Variants in TMEM43 observed in about 807,000 individuals in gnomAD.
TMEM43 encodes arrhythmogenic right ventricular dysplasia 5.
A neutral mutation model predicts 49.6 loss-of-function variants in TMEM43; 45 were observed. The ratio of observed to expected loss-of-function variants is 0.91; its 90% CI spans 0.71 to 1.16. The LOEUF (loss-of-function observed/expected upper bound fraction) is 1.16, where lower values mean the gene tolerates loss of function less well. Ranked by LOEUF, TMEM43 falls within the 50% of genes most tolerant of loss-of-function variation. The pLI is 0.00. For synonymous variants in TMEM43, 199 were observed against 207.8 expected (o/e 0.96, Z 0.36); for missense variants, 532 against 516.6 (o/e 1.03, Z -0.29).
chr3:14,131,036 T>C, intron 3 of TMEM43, 80 bp downstream of exon 3: 3 of 1,545,214 alleles, frequency 1.9e-6, no homozygotes, highest in Non-Finnish European at 1.8e-6. Context: ...TTTGAAAGCA[T>C]GGGCCTTGGA....
At chr3:14,135,353 C>T (rs867715160) in intron 9 of TMEM43, 121 bp downstream of exon 9, 19 of 819,250 alleles carry the variant, frequency 2.3e-5, no homozygotes, top group Admixed American at 1.4e-4. Context: ...GGCACACTCT[C>T]GCACACACTC....
intron 1 of TMEM43, among the ~76,000 whole-genome samples, chr3:14,128,701 T>C (rs1695049866): frequency 6.6e-6 from 1 of 152,260 alleles, no homozygotes; most frequent in Admixed American, 6.5e-5. Context: ...ATAACCTCTT[T>C]GTAAAATAGC....
chr3:14,137,034 G>A lies in TMEM43; in HGVS notation c.882+1126G>A, dbSNP rs561460887. ...ACTGCTGGGGTTTTCATTCCAGAGT[G>A]GCCAGAAAGGGTCAAGGCAGCAGAC... On this transcript the variant is annotated intron_variant, in intron 10 of 11. Transcript: ENST00000306077. 2.0e-5 allele frequency: 3 copies of A among 149,798 alleles called. No individual in the cohort carries two copies. In the South Asian group the frequency reaches 6.3e-4, roughly 31 times the overall value. 9.3% of individuals were successfully genotyped at this position (149,798 alleles called of 1,614,324 possible).
chr3:14,130,492 ATAAAAT>A (rs1214952531), intron 2 of TMEM43, among the ~76,000 whole-genome samples: 1 of 152,142 alleles, frequency 6.6e-6, no homozygotes, highest in Non-Finnish European at 1.5e-5. Context: ...AAACATAAAA[ATAAAAT>A]TAAAAAAAAG....
In TMEM43 at chr3:14,143,525, G is replaced by T. The variant is rs1297539820; in HGVS notation, c.*1730G>T. On this transcript the variant is annotated 3_prime_UTR_variant, in exon 12 of 12. Coordinates refer to ENST00000306077, the MANE Select transcript of TMEM43 (RefSeq NM_024334.3). ...CTAAATGCAAAATCCTTGGGCTTTGGTTTTTTTCTAGTAAGGATTTTAAAT... is the reference window on the plus strand; with the variant it reads ...CTAAATGCAAAATCCTTGGGCTTTGTTTTTTTTCTAGTAAGGATTTTAAAT... 6.6e-6 allele frequency: 1 copy of T among 152,112 alleles called. No individual in the cohort carries two copies. The highest frequency in any genetic ancestry group is 1.5e-5 in the Non-Finnish European group (1 of 68,016). The allele number at this position is 152,112 out of a possible 1,614,324, so 9.4% of individuals were successfully genotyped here. A position where few individuals can be genotyped will look rare whatever the true frequency, so the allele number is the denominator to read the frequency against.
rs774860013 is a variant in TMEM43 at position 14,135,839 on chromosome 3, G to A, written c.813G>A (p.Gln271=). 6 of 1,613,806 alleles carry A rather than the reference G, an allele frequency of 3.7e-6. No homozygotes were observed. Among genetic ancestry groups the A allele is most frequent in the Non-Finnish European group, 5.1e-6 (6 of 1,180,058 alleles). The change falls in exon 10 of 12, where the codon CAG becomes CAA. Residue 271 remains glutamine (Q), a synonymous_variant. Transcript: ENST00000306077. ...TGATTGCCCGGCAGCGGGGTGACCA[G>A]CTAGTCCCATTCTCCACCAAGTCTG... ...VTVIARQRGD[Q]LVPFSTKSGD...
At chr3:14,135,715 CG>C (rs1483879385) in intron 9 of TMEM43, 91 bp from the exon 10 acceptor site, 10 of 1,075,452 alleles carry the variant, frequency 9.3e-6, no homozygotes, top group Middle Eastern at 3.0e-4. Flanking sequence ...CTTCCCCAGC[CG>C]GCACCCAGTC....
rs1695258442 is a variant in TMEM43, at chr3:14,142,131, G to A, written c.*336G>A. The A allele has an allele frequency of 7.9e-6, 3 of 379,534 alleles. No homozygotes were observed. The highest frequency in any genetic ancestry group is 6.0e-5 in the East Asian group (1 of 16,768). The allele number at this position is 379,534 out of a possible 1,614,324, so 23.5% of individuals were successfully genotyped here. ...CATTGGCAGCTGACAACGCAGACAC[G>A]CTCTACGGAGGCCTGCTGATAAAGG... On this transcript the variant is annotated 3_prime_UTR_variant, in exon 12 of 12. Coordinates refer to ENST00000306077, the MANE Select transcript of TMEM43 (RefSeq NM_024334.3).
rs1695269707 is a variant in TMEM43, at chr3:14,142,820, C to G, written c.*1025C>G. ...TTCATCCTCTGGCATCGGAAACTCCCCTATGCACTTGAAGATGGTTTAAAA... is the reference window on the plus strand; with the variant it reads ...TTCATCCTCTGGCATCGGAAACTCCGCTATGCACTTGAAGATGGTTTAAAA... On this transcript the variant is annotated 3_prime_UTR_variant, in exon 12 of 12. Coordinates refer to ENST00000306077, the MANE Select transcript of TMEM43 (RefSeq NM_024334.3). The G allele has an allele frequency of 1.3e-5, 2 of 152,540 alleles. No homozygotes were observed. The highest frequency in any genetic ancestry group is 2.9e-5 in the Non-Finnish European group (2 of 68,030). 9.4% of individuals were successfully genotyped at this position (152,540 alleles called of 1,614,324 possible).
chr3:14,139,136 C>T, intron 10 of TMEM43, 44 bp from the exon 11 acceptor site: 1 of 1,436,744 alleles, frequency 7.0e-7, no homozygotes. Flanking sequence ...CTGGGTACGC[C>T]ACTGGCCCTC....
In TMEM43 at chr3:14,141,620, T is replaced by C. The variant is rs369588299; in HGVS notation, c.1028T>C (p.Leu343Pro). Reference sequence around the variant, plus strand: ...GACTGGTTTCCTGTTTTCCGAGACCTGGTCAACATTGGCCTGAAAGCCTTT... The same window carrying C: ...GACTGGTTTCCTGTTTTCCGAGACCCGGTCAACATTGGCCTGAAAGCCTTT... ...LVDWFPVFRD[L>P]VNIGLKAFAF... Residue 343 changes from leucine to proline, a missense_variant, in exon 12 of 12, where the codon CTG becomes CCG. Coordinates refer to ENST00000306077, the MANE Select transcript of TMEM43 (RefSeq NM_024334.3). 1 of 1,614,190 alleles carries C rather than the reference T, an allele frequency of 6.2e-7. No homozygotes were observed. Among genetic ancestry groups the C allele is most frequent in the African/African-American group, 1.3e-5 (1 of 75,050 alleles).
intron 1 of TMEM43, among the ~76,000 whole-genome samples, chr3:14,127,159 G>A (rs1695032381): frequency 6.6e-6 from 1 of 152,114 alleles, no homozygotes; most frequent in South Asian, 2.1e-4. Context: ...TATAATGTGT[G>A]TATACATGTA....
rs1695152975 is a variant in TMEM43 at position 14,135,235 on chromosome 3, A to AC, written c.780+3_780+4insC. 4 of 1,611,370 alleles carry AC rather than the reference A, an allele frequency of 2.5e-6. No homozygotes were observed. The East Asian group carries it at 8.9e-5, about 36-fold the overall frequency. ...CTGACCTGGGCCCAGCTCACGTGGTAACCTGGCTTCCCAGGGGCAGACACT... is the reference window on the plus strand; with the variant it reads ...CTGACCTGGGCCCAGCTCACGTGGTACACCTGGCTTCCCAGGGGCAGACACT... On this transcript the variant is annotated splice_donor_region_variant and intron_variant, in intron 9 of 11. Transcript: ENST00000306077.
chr3:14,132,732 C>A, intron 5 of TMEM43, 134 bp from the exon 6 acceptor site: 2 of 1,355,634 alleles, frequency 1.5e-6, no homozygotes, highest in Non-Finnish European at 2.1e-6. Context: ...GTCTTCAGAG[C>A]CCTGCTTTCC....
rs1695262175 is a variant in TMEM43 at position 14,142,420 on chromosome 3, C to A, written c.*625C>A. On this transcript the variant is annotated 3_prime_UTR_variant, in exon 12 of 12. Coordinates refer to ENST00000306077, the MANE Select transcript of TMEM43 (RefSeq NM_024334.3). ...GAAAAGCTGGACATATACTGGGCTT[C>A]ACACTTATCTTATGGCTTGGCAGAA... 6.5e-6 allele frequency: 1 copy of A among 154,338 alleles called. No homozygotes were observed. The highest frequency in any genetic ancestry group is 2.0e-4 in the South Asian group (1 of 4,974). 9.6% of individuals were successfully genotyped at this position (154,338 alleles called of 1,614,324 possible).
At chr3:14,129,916 A>G (rs1055686491) in intron 2 of TMEM43, among the ~76,000 whole-genome samples, 1 of 152,102 alleles carries the variant, frequency 6.6e-6, no homozygotes, top group Non-Finnish European at 1.5e-5. Context: ...TGTGATGGCA[A>G]ATGTGGCCCC....
At chr3:14,134,717 G>T (rs1695143112) in intron 7 of TMEM43, 53 bp from the exon 8 acceptor site, 1 of 1,613,052 alleles carries the variant, frequency 6.2e-7, no homozygotes, top group Non-Finnish European at 8.5e-7. Context: ...GGACTTTGCA[G>T]ATTGAGGTTT....
chr3:14,139,279 C>A lies in TMEM43; in HGVS notation c.982C>A (p.Arg328=), dbSNP rs561883271. ...GTTCATGGGCCTCAACCTTATGACACGGATCCTCTACACCTTGGGTAGGTG... is the reference window on the plus strand; with the variant it reads ...GTTCATGGGCCTCAACCTTATGACAAGGATCCTCTACACCTTGGGTAGGTG... ...AMFMGLNLMT[R]ILYTLVDWFP... is the part of the protein sequence containing the mutation. Residue 328 remains arginine, a synonymous_variant, in exon 11 of 12, where the codon CGG becomes AGG. Transcript: ENST00000306077. The A allele has an allele frequency of 6.2e-7, 1 of 1,613,932 alleles. No homozygotes were observed. The highest frequency in any genetic ancestry group is 1.3e-5 in the African/African-American group (1 of 75,042).
intron 10 of TMEM43, 94 bp from the exon 11 acceptor site, chr3:14,139,086 T>A: frequency 2.2e-6 from 2 of 900,908 alleles, no homozygotes; most frequent in South Asian, 2.6e-5. Context: ...GGCCAACAGC[T>A]CCCGAGTTGG....
Sources: gnomAD v4.1 joint callset for allele counts (sites outside exome capture counted in the v4.1 genomes callset) on GRCh38, gnomAD v4.1.1 for gene constraint, MANE v1.5 for transcripts, NCBI Gene and HGNC (gene_info 2026-07-23, HGNC 2026-07-21) for gene names.